Variants in PACRG observed in about 807,000 individuals in gnomAD.
PACRG encodes parkin coregulated.
In PACRG, 29 loss-of-function variants were observed where a neutral mutation model predicts 29.7. That is an observed-to-expected ratio of 0.98 (90% confidence interval 0.73 to 1.33). The LOEUF is 1.33. Among genes scored for constraint, PACRG ranks in the 40% most tolerant of loss-of-function variants. The probability of loss-of-function intolerance (pLI) is 0.00; values close to 1 mark genes in which losing one functional copy is unlikely to be tolerated. For missense variants in PACRG, 279 were observed against 316.2 expected (o/e 0.88, Z 0.89); for synonymous variants, 116 against 118.7 (o/e 0.98, Z 0.15).
At chr6:162,803,903 A>G (rs1426145368) in intron 1 of PACRG, among the ~76,000 whole-genome samples, 1 of 152,200 alleles carries the variant, frequency 6.6e-6, no homozygotes, top group East Asian at 1.9e-4. Flanking sequence ...AATATAAAAC[A>G]TCATATGCCT....
chr6:162,814,707 C>T (rs1787179396), intron 2 of PACRG, among the ~76,000 whole-genome samples: 1 of 152,110 alleles, frequency 6.6e-6, no homozygotes, highest in African/African-American at 2.4e-5. Flanking sequence ...AGATTGTCTG[C>T]TCCCTGGAAA....
intron 4 of PACRG, among the ~76,000 whole-genome samples, chr6:163,161,144 G>A (rs1778539606): frequency 6.6e-6 from 1 of 151,984 alleles, no homozygotes; most frequent in Admixed American, 6.5e-5. Context: ...TTGGCTCTCT[G>A]TTACCTTTTG....
At chr6:162,943,527 C>T (rs748115413) in intron 2 of PACRG, among the ~76,000 whole-genome samples, 4 of 152,148 alleles carry the variant, frequency 2.6e-5, no homozygotes, top group Admixed American at 6.5e-5. Flanking sequence ...GTAGCAGGGC[C>T]GCAGTGCAGC....
At chr6:162,943,185 G>A (rs985269191) in intron 2 of PACRG, among the ~76,000 whole-genome samples, 21 of 152,192 alleles carry the variant, frequency 1.4e-4, no homozygotes, top group Non-Finnish European at 2.6e-4. Context: ...ACACCCTTAT[G>A]TCTTAAGTGG....
At chr6:163,262,868 C>CG (rs968406397) in intron 4 of PACRG, among the ~76,000 whole-genome samples, 17 of 112,422 alleles carry the variant, frequency 1.5e-4, no homozygotes, top group African/African-American at 8.7e-4. Flanking sequence ...ATAGTGAGAC[C>CG]CCCCCCCCCA....
intron 2 of PACRG, among the ~76,000 whole-genome samples, chr6:162,863,159 C>T (rs1423791368): frequency 2.0e-5 from 3 of 152,220 alleles, no homozygotes; most frequent in Non-Finnish European, 4.4e-5. Context: ...CTTCAGCCGT[C>T]TGCGTGCACT....
At chr6:163,283,387 C>G (rs1006129643) in intron 4 of PACRG, among the ~76,000 whole-genome samples, 1 of 152,202 alleles carries the variant, frequency 6.6e-6, no homozygotes, top group African/African-American at 2.4e-5. Context: ...AAGATTGGAA[C>G]TAGGGATCAA....
chr6:162,886,357 TC>T (rs2128029450), intron 2 of PACRG, among the ~76,000 whole-genome samples: 1 of 152,290 alleles, frequency 6.6e-6, no homozygotes, highest in Non-Finnish European at 1.5e-5. Flanking sequence ...TCCATCTCCT[TC>T]CTCCTGGGCC....
At position 162,878,404 on chromosome 6, in the gene PACRG, GTAA is replaced by G. The variant is rs1179748879; in HGVS notation, c.291+64128_291+64130del. 3.3e-5 allele frequency among the ~76,000 whole-genome samples: 5 copies of G among 152,076 alleles called. No homozygotes were observed. In the East Asian group the frequency reaches 9.6e-4, roughly 29 times the overall value. ...GATAATGAATTCTTTTTTGAATAAA[GTAA>G]TAATGAGAAACATTTTAACAAATAA... On this transcript the variant is annotated intron_variant, in intron 2 of 4. Coordinates refer to ENST00000366888, the MANE Select transcript of PACRG (RefSeq NM_001080379.2).
chr6:162,728,522 G>A lies in PACRG; in HGVS notation c.156+131G>A, dbSNP rs1191010802. On this transcript the variant is annotated intron_variant, in intron 1 of 4. Coordinates refer to ENST00000366888, the MANE Select transcript of PACRG (RefSeq NM_001080379.2). ...TCTTTGCCAAAAAAGGCAGTTACTT[G>A]GCAAGTAGCAAACGGTGCCCCACAG... 4.5e-6 allele frequency: 5 copies of A among 1,121,868 alleles called. No individual in the cohort carries two copies. In the Admixed American group the frequency reaches 9.8e-5, roughly 22 times the overall value. The allele number at this position is 1,121,868 out of a possible 1,614,324, so 69.5% of individuals were successfully genotyped here.
At chr6:162,915,626 C>A in intron 2 of PACRG, among the ~76,000 whole-genome samples, 1 of 152,128 alleles carries the variant, frequency 6.6e-6, no homozygotes, top group South Asian at 2.1e-4. Flanking sequence ...CTCTTTCCTG[C>A]CTTTTTAGGA....
intron 2 of PACRG, among the ~76,000 whole-genome samples, chr6:162,832,865 A>G (rs1032404765): frequency 6.7e-6 from 1 of 149,680 alleles, no homozygotes; most frequent in Non-Finnish European, 1.5e-5. Context: ...CAAATAAACT[A>G]TTATATTTTG....
intron 1 of PACRG, among the ~76,000 whole-genome samples, chr6:162,747,338 A>ACATT (rs1179038461): frequency 1.5e-5 from 1 of 67,136 alleles, no homozygotes; most frequent in African/African-American, 1.0e-4. Context: ...ATATATATAT[A>ACATT]TATATATATA....
intron 2 of PACRG, among the ~76,000 whole-genome samples, chr6:162,816,813 G>A (rs570634070): frequency 6.6e-6 from 1 of 152,168 alleles, no homozygotes; most frequent in East Asian, 1.9e-4. Flanking sequence ...GTTGAAGGAA[G>A]CAGGGCGATC....
At chr6:162,943,902 A>G (rs1798810122) in intron 2 of PACRG, among the ~76,000 whole-genome samples, 1 of 152,038 alleles carries the variant, frequency 6.6e-6, no homozygotes, top group Non-Finnish European at 1.5e-5. Context: ...GAGGATTGTC[A>G]TGCTGCTACT....
At chr6:163,145,264 C>T (rs1007689202) in intron 4 of PACRG, among the ~76,000 whole-genome samples, 15 of 152,180 alleles carry the variant, frequency 9.9e-5, no homozygotes, top group African/African-American at 1.7e-4. Context: ...TTTCTTTTCA[C>T]AGTGTAATGA....
At chr6:163,079,561 T>A (rs1474266453) in intron 3 of PACRG, among the ~76,000 whole-genome samples, 1 of 152,168 alleles carries the variant, frequency 6.6e-6, no homozygotes, top group Non-Finnish European at 1.5e-5. Flanking sequence ...ATACATGAGG[T>A]TAGCTTGGCT....
Position 162,731,269 on chromosome 6 carries a change from C to T in PACRG, c.156+2878C>T, listed in dbSNP as rs6916400. On this transcript the variant is annotated intron_variant, in intron 1 of 4. Transcript: ENST00000366888. The stretch of plus-strand genomic sequence containing the variant: ...TTGGATTTCAGATTTTCAGAACTGG[C>T]GTGACCATCAGTATATAATACAGAT... Among the ~76,000 whole-genome samples, 492 of 152,152 alleles carry T rather than the reference C, an allele frequency of 3.2e-3. 3 individuals carry two copies. The highest frequency in any genetic ancestry group is 0.011 in the African/African-American group (471 of 41,522).
chr6:162,884,750 T>G (rs1213616916), intron 2 of PACRG, among the ~76,000 whole-genome samples: 1 of 151,816 alleles, frequency 6.6e-6, no homozygotes, highest in East Asian at 1.9e-4. Flanking sequence ...GATACATGTA[T>G]GCCTGTGTAT....
Sources: gnomAD v4.1 joint callset for allele counts (sites outside exome capture counted in the v4.1 genomes callset) on GRCh38, gnomAD v4.1.1 for gene constraint, MANE v1.5 for transcripts, NCBI Gene and HGNC (gene_info 2026-07-23, HGNC 2026-07-21) for gene names.